XDH: variants seen among roughly 807,000 people sequenced by gnomAD.
XDH encodes xanthine dehydrogenase/oxidase.
In XDH, 138 loss-of-function variants were observed where a neutral mutation model predicts 156.1. That is an observed-to-expected ratio of 0.88 (90% confidence interval 0.77 to 1.02). The LOEUF (loss-of-function observed/expected upper bound fraction) is 1.02. Ranked by LOEUF, XDH falls within the 50% of genes least tolerant of loss-of-function variation. XDH has a pLI of 0.00. For synonymous variants in XDH, 669 were observed against 625.7 expected (o/e 1.07, Z -1.03); for missense variants, 1,849 against 1,684.9 (o/e 1.10, Z -1.71).
Position 31,337,717 on chromosome 2 carries a change from T to C in XDH, c.3875A>G (p.Lys1292Arg), listed in dbSNP as rs73922346. ...AGGGCTGTCTAGCCGGAAGAGTTCCTTCACGTTATTACCTGTGTGCTGAGC... is the reference window on the plus strand; with the variant it reads ...AGGGCTGTCTAGCCGGAAGAGTTCCCTCACGTTATTACCTGTGTGCTGAGC... ...ARAQHTGNNV[K>R]ELFRLDSPAT... Residue 1292 changes from lysine (K) to arginine (R), a missense_variant, in exon 35 of 36, where the codon AAG (lysine) becomes AGG (arginine). By Grantham distance (26) the Lys-to-Arg change is conservative. Coordinates refer to ENST00000379416, the MANE Select transcript of XDH (RefSeq NM_000379.4). 3.3e-4 allele frequency: 525 copies of C among 1,614,202 alleles called. 1 individual carries two copies. The African/African-American group carries it at 6.4e-3, about 20-fold the overall frequency.
At chr2:31,409,717 G>A (rs902107317) in intron 1 of XDH, among the ~76,000 whole-genome samples, 5 of 152,126 alleles carry the variant, frequency 3.3e-5, no homozygotes, top group Non-Finnish European at 7.4e-5. Flanking sequence ...TATGATCAAC[G>A]AACAAACAAA....
chr2:31,337,958 C>CA, intron 34 of XDH, 141 bp from the exon 35 acceptor site: 1 of 808,320 alleles, frequency 1.2e-6, no homozygotes, highest in South Asian at 1.8e-5. Flanking sequence ...GGAGCCACAC[C>CA]AAATACAGCA....
At position 31,344,754 on chromosome 2, in the gene XDH, C is replaced by T; in HGVS notation, c.3352-18G>A. The T allele has an allele frequency of 1.2e-6, 2 of 1,613,976 alleles. No homozygotes were observed. The highest frequency in any genetic ancestry group is 1.7e-6 in the Non-Finnish European group (2 of 1,179,968). On this transcript the variant is annotated intron_variant, in intron 30 of 35. Transcript: ENST00000379416. ...GCTGTGACCTGAGGAGAGGAGATGG[C>T]CATCAGGCAGGTGAAGTGAGGTTTT...
intron 18 of XDH, 106 bp from the exon 19 acceptor site, chr2:31,368,766 A>G (rs1685991924): frequency 1.1e-5 from 17 of 1,600,426 alleles, no homozygotes; most frequent in African/African-American, 5.3e-5. Flanking sequence ...CTCACAATCA[A>G]AGCACACTTT....
At chr2:31,353,966 ATT>A (rs1558682212) in intron 24 of XDH, among the ~76,000 whole-genome samples, 1 of 152,100 alleles carries the variant, frequency 6.6e-6, no homozygotes, top group African/African-American at 2.4e-5. Flanking sequence ...TGGAGAACAC[ATT>A]GACTTCCCCA....
chr2:31,360,467 C>T (rs544492484), intron 24 of XDH, among the ~76,000 whole-genome samples: 37 of 152,280 alleles, frequency 2.4e-4, no homozygotes, highest in Non-Finnish European at 4.3e-4. Flanking sequence ...CACCACTGCA[C>T]TCCAGCCTGG....
At chr2:31,386,688 G>T in intron 8 of XDH, 133 bp from the exon 9 acceptor site, 1 of 1,230,620 alleles carries the variant, frequency 8.1e-7, no homozygotes, top group Non-Finnish European at 1.2e-6. Context: ...AGAAGCAAGG[G>T]GAAGTAATAT....
At chr2:31,361,295 C>CAAA (rs1685770894) in intron 24 of XDH, among the ~76,000 whole-genome samples, 4 of 152,224 alleles carry the variant, frequency 2.6e-5, no homozygotes, top group Admixed American at 2.6e-4. Flanking sequence ...ACTGTTCTAT[C>CAAA]AAATTTAGTA....
At position 31,343,725 on chromosome 2, in the gene XDH, A is replaced by G. The variant is rs372437173; in HGVS notation, c.3404+959T>C. ...TTCAGTGTAATATCTATACATATATATTAGCCATATATATGTTCATATATA... is the reference window on the plus strand; with the variant it reads ...TTCAGTGTAATATCTATACATATATGTTAGCCATATATATGTTCATATATA... On this transcript the variant is annotated intron_variant, in intron 31 of 35. Transcript: ENST00000379416. 1.5e-4 allele frequency among the ~76,000 whole-genome samples: 23 copies of G among 148,974 alleles called. No homozygotes were observed. The South Asian group carries it at 4.8e-3, about 31-fold the overall frequency.
intron 1 of XDH, among the ~76,000 whole-genome samples, chr2:31,411,541 G>C (rs957345468): frequency 6.6e-6 from 1 of 151,942 alleles, no homozygotes; most frequent in Non-Finnish European, 1.5e-5. Context: ...GTACATAAAG[G>C]GTATTTAGTA....
At chr2:31,343,300 A>ATT (rs1277825221) in intron 31 of XDH, among the ~76,000 whole-genome samples, 2 of 112,498 alleles carry the variant, frequency 1.8e-5, no homozygotes, top group East Asian at 4.7e-4. Flanking sequence ...ATATATATAT[A>ATT]TATATATATA....
intron 24 of XDH, among the ~76,000 whole-genome samples, chr2:31,359,427 C>T (rs1390380391): frequency 2.0e-5 from 3 of 150,674 alleles, no homozygotes; most frequent in Non-Finnish European, 2.9e-5. Context: ...GGCGAAGTGT[C>T]CTATTGCATC....
chr2:31,354,125 C>G (rs986191828), intron 24 of XDH, among the ~76,000 whole-genome samples: 1 of 152,222 alleles, frequency 6.6e-6, no homozygotes, highest in African/African-American at 2.4e-5. Flanking sequence ...GAATGTAGAT[C>G]TCCCATCTCT....
At chr2:31,365,950 T>C (rs1350794520) in intron 22 of XDH, 26 bp downstream of exon 22, 5 of 1,614,156 alleles carry the variant, frequency 3.1e-6, no homozygotes, top group Non-Finnish European at 3.4e-6. Context: ...CAGAGCCAGA[T>C]GGGAGAAACA....
intron 6 of XDH, among the ~76,000 whole-genome samples, chr2:31,388,985 C>T (rs988860082): frequency 6.6e-6 from 1 of 152,178 alleles, no homozygotes; most frequent in Non-Finnish European, 1.5e-5. Context: ...AGAATCACTA[C>T]CACCCAGCAC....
rs571172230 is a variant in XDH, at chr2:31,353,098, C to T, written c.2632-2875G>A. ...GGTTACAAAATTAAGATTTAAAAAA[C>T]TGTAAAAAGTGGTACCACCAAAATA... On this transcript the variant is annotated intron_variant, in intron 24 of 35. Transcript: ENST00000379416. 4.0e-5 allele frequency among the ~76,000 whole-genome samples: 6 copies of T among 150,648 alleles called. No homozygotes were observed. In the East Asian group the frequency reaches 7.8e-4, roughly 20 times the overall value.
At chr2:31,376,954 T>C in intron 14 of XDH, 99 bp downstream of exon 14, 1 of 1,470,834 alleles carries the variant, frequency 6.8e-7, no homozygotes, top group Non-Finnish European at 9.5e-7. Flanking sequence ...GTAGCAGCAA[T>C]AGTAATACTA....
In XDH at chr2:31,348,284, T is replaced by C. The variant is rs1685356744; in HGVS notation, c.3131A>G (p.His1044Arg). Residue 1044 changes from histidine to arginine, a missense_variant, in exon 28 of 36, where the codon CAT becomes CGT. Physicochemically the swap from His to Arg is conservative, Grantham distance 29. Transcript: ENST00000379416. Reference protein sequence around the residue: ...HGGTEMGQGLHTKMVQVASRA... With the variant: ...HGGTEMGQGLRTKMVQVASRA... Reference sequence around the variant, plus strand: ...GCTGCTCACCTGGACCATTTTGGTATGAAGGCCTTGGCCCATCTCAGTCCC... The same window carrying C: ...GCTGCTCACCTGGACCATTTTGGTACGAAGGCCTTGGCCCATCTCAGTCCC... 1.2e-6 allele frequency: 2 copies of C among 1,614,082 alleles called. No homozygotes were observed. Among genetic ancestry groups the C allele is most frequent in the Non-Finnish European group, 1.7e-6 (2 of 1,180,038 alleles).
chr2:31,411,449 T>C (rs13026261), intron 1 of XDH, among the ~76,000 whole-genome samples: 3 of 152,048 alleles, frequency 2.0e-5, no homozygotes, highest in African/African-American at 7.2e-5. Context: ...TTATAATACA[T>C]ACATGTGTAT....
Sources: allele counts gnomAD v4.1 joint callset (sites outside exome capture counted in the v4.1 genomes callset), GRCh38; gene constraint gnomAD v4.1.1; transcripts MANE v1.5; gene names NCBI Gene and HGNC (gene_info 2026-07-23, HGNC 2026-07-21).